The following ERC2 variants were observed in gnomAD, a reference collection of about 807,000 sequenced individuals.
ERC2 encodes ERC protein 2.
In ERC2, 42 loss-of-function variants were observed where a neutral mutation model predicts 114.8. That is an observed-to-expected ratio of 0.37 (90% confidence interval 0.29 to 0.47). The LOEUF is 0.47. ERC2 is among the 20% of genes least tolerant of loss of function. The pLI, the probability that ERC2 is intolerant of heterozygous loss-of-function variation, is 0.99. For synonymous variants in ERC2, 454 were observed against 425.5 expected (o/e 1.07, Z -0.82); for missense variants, 939 against 1,150.7 (o/e 0.82, Z 2.66).
intron 4 of ERC2, among the ~76,000 whole-genome samples, chr3:56,170,928 C>A (rs1232731158): frequency 1.3e-5 from 2 of 151,912 alleles, no homozygotes; most frequent in Non-Finnish European, 2.9e-5. Context: ...CCACGCCCAG[C>A]TAATTTTTTG....
chr3:55,884,251 A>G (rs1473405602), intron 14 of ERC2, among the ~76,000 whole-genome samples: 1 of 152,198 alleles, frequency 6.6e-6, no homozygotes, highest in Non-Finnish European at 1.5e-5. Context: ...TGAGTAATTA[A>G]AAATAATGCA....
At chr3:56,076,627 T>C (rs2076989616) in intron 7 of ERC2, among the ~76,000 whole-genome samples, 1 of 152,182 alleles carries the variant, frequency 6.6e-6, no homozygotes. Context: ...CTAAGAGAAC[T>C]CCATGTCTTG....
At chr3:56,297,384 GAA>G (rs1221568665) in intron 2 of ERC2, among the ~76,000 whole-genome samples, 2 of 152,112 alleles carry the variant, frequency 1.3e-5, no homozygotes, top group Non-Finnish European at 2.9e-5. Context: ...CCCAGAAACA[GAA>G]AGTCTTGAAA....
At chr3:56,407,058 G>T (rs921724416) in intron 2 of ERC2, among the ~76,000 whole-genome samples, 1 of 152,130 alleles carries the variant, frequency 6.6e-6, no homozygotes, top group Admixed American at 6.5e-5. Flanking sequence ...CAGGATAAGT[G>T]TCTTTTTATT....
At chr3:55,952,217 T>TATATATATA (rs71294735) in intron 12 of ERC2, among the ~76,000 whole-genome samples, 7 of 134,402 alleles carry the variant, frequency 5.2e-5, no homozygotes, top group East Asian at 2.1e-4. Flanking sequence ...TATATATATA[T>TATATATATA]TCTGAACACT....
intron 1 of ERC2, among the ~76,000 whole-genome samples, chr3:56,454,800 A>C (rs1301861543): frequency 6.7e-6 from 1 of 148,484 alleles, no homozygotes; most frequent in Non-Finnish European, 1.5e-5. Flanking sequence ...GAGAGGTTGC[A>C]GCGAGCCAAG....
intron 2 of ERC2, among the ~76,000 whole-genome samples, chr3:56,300,280 CA>C (rs200816892): frequency 0.39 from 36,339 of 93,152 alleles, 4,679 homozygotes; most frequent in Non-Finnish European, 0.44. Flanking sequence ...TCATGAAATA[CA>C]AAAAAAAAAA....
chr3:55,625,427 A>AT (rs1002395616), intron 17 of ERC2, among the ~76,000 whole-genome samples: 1 of 150,896 alleles, frequency 6.6e-6, no homozygotes, highest in Non-Finnish European at 1.5e-5. Context: ...AAAAAAAAAA[A>AT]GTAAGTGCTT....
intron 14 of ERC2, among the ~76,000 whole-genome samples, chr3:55,841,745 G>A (rs1004742723): frequency 1.3e-5 from 2 of 151,364 alleles, no homozygotes; most frequent in Admixed American, 6.6e-5. Context: ...TTAGAAAGGG[G>A]TAAAGCTGGA....
intron 3 of ERC2, among the ~76,000 whole-genome samples, chr3:56,194,876 G>T (rs1421764279): frequency 6.6e-6 from 1 of 151,680 alleles, no homozygotes; most frequent in Non-Finnish European, 1.5e-5. Context: ...CAACGGTGTG[G>T]CACAGACATG....
At position 55,957,753 on chromosome 3, in the gene ERC2, C is replaced by T. The variant is rs992203438; in HGVS notation, c.2268-7193G>A. 2.6e-5 allele frequency among the ~76,000 whole-genome samples: 4 copies of T among 152,248 alleles called. No individual in the cohort carries two copies. In the East Asian group the frequency reaches 7.7e-4, roughly 29 times the overall value. On this transcript the variant is annotated intron_variant, in intron 12 of 17. Transcript: ENST00000288221. ...GAGGAGGGGGGGGCAGCTCCAGGCG[C>T]CTGCTCCGTGTGAGGCTGCAGCTGG...
chr3:55,641,653 T>C (rs1243299825), intron 17 of ERC2, among the ~76,000 whole-genome samples: 1 of 151,852 alleles, frequency 6.6e-6, no homozygotes, highest in Non-Finnish European at 1.5e-5. Flanking sequence ...TGTATCCTTT[T>C]AGGATCCAGA....
intron 2 of ERC2, among the ~76,000 whole-genome samples, chr3:56,402,295 G>GA (rs1243894588): frequency 2.6e-5 from 4 of 152,206 alleles, no homozygotes; most frequent in Admixed American, 2.0e-4. Context: ...GAAATTTCTA[G>GA]AAAATGGGTA....
intron 3 of ERC2, among the ~76,000 whole-genome samples, chr3:56,281,440 A>AAAC (rs2054342014): frequency 6.8e-6 from 1 of 147,606 alleles, no homozygotes; most frequent in Non-Finnish European, 1.5e-5. Flanking sequence ...CCGTCTCAAA[A>AAAC]AAAAAAAAAA....
intron 2 of ERC2, among the ~76,000 whole-genome samples, chr3:56,351,047 G>A (rs1170369717): frequency 6.6e-6 from 1 of 152,136 alleles, no homozygotes; most frequent in African/African-American, 2.4e-5. Flanking sequence ...AGCCTGCCCT[G>A]GGGTGGAGGA....
chr3:56,153,943 C>T (rs1210759747), intron 4 of ERC2, among the ~76,000 whole-genome samples: 1 of 152,032 alleles, frequency 6.6e-6, no homozygotes, highest in Non-Finnish European at 1.5e-5. Context: ...AACTTAGGGC[C>T]AATATGGTTT....
chr3:55,521,216 C>T (rs779768069), intron 17 of ERC2, among the ~76,000 whole-genome samples: 7 of 152,174 alleles, frequency 4.6e-5, no homozygotes, highest in Non-Finnish European at 7.3e-5. Context: ...GTTTGCCTGT[C>T]GGCCACCTGG....
chr3:55,788,602 CT>C (rs2069711874), intron 14 of ERC2, among the ~76,000 whole-genome samples: 1 of 152,070 alleles, frequency 6.6e-6, no homozygotes, highest in Non-Finnish European at 1.5e-5. Flanking sequence ...GAGAGGGTCC[CT>C]TTGGGTACTG....
intron 17 of ERC2, among the ~76,000 whole-genome samples, chr3:55,625,321 C>T (rs1325012578): frequency 1.4e-5 from 2 of 139,734 alleles, no homozygotes; most frequent in Non-Finnish European, 3.0e-5. Context: ...GAGCCCAGAT[C>T]GGACCACTGC....
Sources: gnomAD v4.1 joint callset for allele counts (sites outside exome capture counted in the v4.1 genomes callset) on GRCh38, gnomAD v4.1.1 for gene constraint, MANE v1.5 for transcripts, NCBI Gene and HGNC (gene_info 2026-07-23, HGNC 2026-07-21) for gene names.